The following USP34 variants were observed in gnomAD, a reference collection of about 807,000 sequenced individuals.
USP34 encodes the protein ubiquitin carboxyl-terminal hydrolase 34.
A neutral mutation model predicts 460.3 loss-of-function variants in USP34; 70 were observed. The ratio of observed to expected loss-of-function variants is 0.15; its 90% CI spans 0.13 to 0.19. USP34 has a LOEUF of 0.19. Among genes scored for constraint, USP34 ranks in the 10% least tolerant of loss-of-function variants. The pLI, the probability that USP34 is intolerant of heterozygous loss-of-function variation, is 1.00. For missense variants in USP34, 3,985 were observed against 4,236.2 expected, an observed-to-expected ratio of 0.94 and a Z score of 1.65; for synonymous variants, 1,647 against 1,405.3, an observed-to-expected ratio of 1.17 and a Z score of -3.85.
intron 10 of USP34, 42 bp from the exon 11 acceptor site, chr2:61,350,735 C>T (rs2062856437): frequency 6.3e-7 from 1 of 1,588,126 alleles, no homozygotes; most frequent in Non-Finnish European, 8.6e-7. Flanking sequence ...AATAATTGCC[C>T]AATACATGTA....
intron 69 of USP34, among the ~76,000 whole-genome samples, chr2:61,210,650 A>G (rs1029574963): frequency 6.6e-6 from 1 of 152,230 alleles, no homozygotes; most frequent in Non-Finnish European, 1.5e-5. Flanking sequence ...ATGTTGTTAT[A>G]GACTACAACT....
chr2:61,232,655 G>A, intron 57 of USP34, 123 bp from the exon 58 acceptor site: 1 of 810,798 alleles, frequency 1.2e-6, no homozygotes, highest in Admixed American at 3.1e-5. Context: ...TACCAGAAAA[G>A]TTTCTCTAAT....
In USP34 at chr2:61,405,831, A is replaced by T. The variant is rs756481999; in HGVS notation, c.429T>A (p.Ser143=). Residue 143 remains serine (S), a synonymous_variant, in exon 3 of 80, where the codon TCT becomes TCA. Transcript: ENST00000398571. ...CTGTACTCCATAAACTAAAAGGATC[A>T]GAACTCTTTGAAGATTCCTCCTCAG... ...NLTEEESSKS[S]DPFSLWSTDE... 3.1e-6 allele frequency: 5 copies of T among 1,613,760 alleles called. No homozygotes were observed. The African/African-American group carries it at 5.3e-5, about 17-fold the overall frequency.
At chr2:61,335,387 T>A (rs547646195) in intron 18 of USP34, among the ~76,000 whole-genome samples, 48 of 152,234 alleles carry the variant, frequency 3.2e-4, no homozygotes, top group African/African-American at 1.0e-3. Context: ...AGACTGAAAA[T>A]TTCAAATACC....
intron 1 of USP34, among the ~76,000 whole-genome samples, chr2:61,459,022 C>A (rs1032566444): frequency 1.3e-5 from 2 of 151,978 alleles, no homozygotes; most frequent in African/African-American, 4.8e-5. Flanking sequence ...GCCGAGACTG[C>A]GCCACTGCAA....
chr2:61,211,958 T>G (rs754103520), intron 68 of USP34, 29 bp from the exon 69 acceptor site: 5 of 1,582,074 alleles, frequency 3.2e-6, no homozygotes, highest in Non-Finnish European at 3.4e-6. Flanking sequence ...CCATATGATC[T>G]TTTAACCCTA....
chr2:61,443,519 G>C (rs924188176), intron 1 of USP34, among the ~76,000 whole-genome samples: 4 of 150,174 alleles, frequency 2.7e-5, no homozygotes, highest in Admixed American at 6.6e-5. Flanking sequence ...ATCAAGACAT[G>C]AAAATACATA....
chr2:61,325,578 CTAAG>C (rs1288777554), intron 20 of USP34, 121 bp from the exon 21 acceptor site: 5 of 523,578 alleles, frequency 9.5e-6, no homozygotes, highest in South Asian at 1.4e-4. Context: ...ATTATTTTAA[CTAAG>C]TATCTTTGGT....
At chr2:61,429,722 C>T (rs1163037075) in intron 1 of USP34, among the ~76,000 whole-genome samples, 3 of 152,152 alleles carry the variant, frequency 2.0e-5, no homozygotes, top group South Asian at 2.1e-4. Context: ...GACTTCTAAC[C>T]GTATGCTAAG....
At chr2:61,306,027 A>G (rs1315101500) in intron 27 of USP34, among the ~76,000 whole-genome samples, 1 of 152,124 alleles carries the variant, frequency 6.6e-6, no homozygotes, top group African/African-American at 2.4e-5. Context: ...CCCATTCTGT[A>G]GGTTGCCTGT....
intron 1 of USP34, among the ~76,000 whole-genome samples, chr2:61,451,427 G>A (rs1695273125): frequency 6.6e-6 from 1 of 151,960 alleles, no homozygotes; most frequent in Non-Finnish European, 1.5e-5. Flanking sequence ...GCTCACGCCT[G>A]TAATCCCAGC....
intron 27 of USP34, among the ~76,000 whole-genome samples, chr2:61,305,363 G>A (rs1690370458): frequency 6.6e-6 from 1 of 151,716 alleles, no homozygotes; most frequent in African/African-American, 2.4e-5. Flanking sequence ...GAGAAAAAAA[G>A]AAGAGATCAT....
At chr2:61,378,295 G>C (rs1198166451) in intron 8 of USP34, 68 bp downstream of exon 8, 2 of 1,190,310 alleles carry the variant, frequency 1.7e-6, no homozygotes, top group East Asian at 2.6e-5. Context: ...CTAAAAATTA[G>C]AATTTACCAT....
chr2:61,286,600 A>T (rs1430469513), intron 34 of USP34, among the ~76,000 whole-genome samples: 1 of 152,156 alleles, frequency 6.6e-6, no homozygotes, highest in African/African-American at 2.4e-5. Flanking sequence ...GGTTGCAGTG[A>T]GCCGAGATGG....
intron 10 of USP34, among the ~76,000 whole-genome samples, chr2:61,363,057 AC>A (rs1302691567): frequency 6.6e-6 from 1 of 152,242 alleles, no homozygotes; most frequent in Non-Finnish European, 1.5e-5. Flanking sequence ...ACATGAACAG[AC>A]ATTTCTCCGA....
At chr2:61,281,390 T>C (rs1689531926) in intron 37 of USP34, 148 bp from the exon 38 acceptor site, 2 of 1,029,878 alleles carry the variant, frequency 1.9e-6, no homozygotes, top group Non-Finnish European at 2.7e-6. Flanking sequence ...GGCAGGAGGA[T>C]AACCTGTGGC....
intron 27 of USP34, among the ~76,000 whole-genome samples, chr2:61,307,675 T>A (rs1292195557): frequency 2.6e-5 from 4 of 152,050 alleles, no homozygotes; most frequent in Non-Finnish European, 4.4e-5. Flanking sequence ...GAAACTTTTT[T>A]CTAGACAAAA....
intron 5 of USP34, among the ~76,000 whole-genome samples, chr2:61,393,477 C>T (rs1200458108): frequency 6.7e-6 from 1 of 149,980 alleles, no homozygotes; most frequent in Non-Finnish European, 1.5e-5. Flanking sequence ...TGCTACACTA[C>T]TACTATATGT....
intron 1 of USP34, among the ~76,000 whole-genome samples, chr2:61,464,346 A>G (rs2104111511): frequency 6.6e-6 from 1 of 152,252 alleles, no homozygotes; most frequent in East Asian, 1.9e-4. Flanking sequence ...CAAAATAAAC[A>G]CAACAGAATT....
Sources: allele counts gnomAD v4.1 joint callset (sites outside exome capture counted in the v4.1 genomes callset), GRCh38; gene constraint gnomAD v4.1.1; transcripts MANE v1.5; gene names NCBI Gene and HGNC (gene_info 2026-07-23, HGNC 2026-07-21).